Variants in ZBTB40 observed in about 807,000 individuals in gnomAD.
ZBTB40 encodes the protein zinc finger and BTB domain-containing protein 40.
ZBTB40 carries 60 observed loss-of-function variants against 117.5 expected under a neutral mutation model. The observed-to-expected ratio is 0.51, with a 90% CI of 0.41 to 0.63. The LOEUF is 0.63. ZBTB40 is among the 30% of genes least tolerant of loss of function. The pLI is 0.00. For synonymous variants in ZBTB40, 525 were observed against 577.1 expected (o/e 0.91, Z 1.29); for missense variants, 1,287 against 1,498.5 (o/e 0.86, Z 2.33).
At chr1:22,504,378 A>G (rs1285116337) in intron 5 of ZBTB40, among the ~76,000 whole-genome samples, 1 of 152,210 alleles carries the variant, frequency 6.6e-6, no homozygotes, top group African/African-American at 2.4e-5. Flanking sequence ...TTTATTGCTT[A>G]CTGTGTGCCA....
rs535410752 is a variant in ZBTB40, at chr1:22,512,093, T to A, written c.2420T>A (p.Val807Glu). 6.2e-7 allele frequency: 1 copy of A among 1,613,500 alleles called. No individual in the cohort carries two copies. The highest frequency in any genetic ancestry group is 1.1e-5 in the South Asian group (1 of 91,030). The change falls in exon 11 of 18, where the codon GTG becomes GAG. Residue 807 changes from valine to glutamate, a missense_variant. Physicochemically the swap from Val to Glu is moderately radical, Grantham distance 121. Around this residue, in one of 2 missense-constraint regions of ZBTB40, gnomAD observed 417 missense variants for 564.1 expected, o/e 0.74. Coordinates refer to ENST00000375647, the MANE Select transcript of ZBTB40 (RefSeq NM_014870.4). ...APKKKKKRLP[V>E]TCDLCGREFA... Reference sequence around the variant, plus strand: ...AAGAAGAAGAAGAAGAGGCTTCCAGTGACATGTGACCTCTGTGGCAGAGAA... The same window carrying A: ...AAGAAGAAGAAGAAGAGGCTTCCAGAGACATGTGACCTCTGTGGCAGAGAA...
In ZBTB40 at chr1:22,490,496, C is replaced by T. The variant is rs995459321; in HGVS notation, c.548C>T (p.Ser183Leu). Residue 183 changes from serine to leucine, a missense_variant, in exon 2 of 18, where the codon TCA becomes TTA. Coordinates refer to ENST00000375647, the MANE Select transcript of ZBTB40 (RefSeq NM_014870.4). ...ACTGAGGAAGCAGCCCATTCAGTTT[C>T]ACAAGAGATGAGTGTGAATTCTCCC... ...AETEEAAHSV[S>L]QEMSVNSPTA... 1.2e-6 allele frequency: 2 copies of T among 1,601,226 alleles called. No homozygotes were observed. The highest frequency in any genetic ancestry group is 2.2e-5 in the East Asian group (1 of 44,758).
At chr1:22,476,956 A>G (rs1000750272) in intron 1 of ZBTB40, among the ~76,000 whole-genome samples, 1 of 152,188 alleles carries the variant, frequency 6.6e-6, no homozygotes. Context: ...CTTTCACCAC[A>G]TGACATCTAG....
intron 1 of ZBTB40, among the ~76,000 whole-genome samples, chr1:22,460,396 A>T (rs1247520623): frequency 6.6e-6 from 1 of 152,198 alleles, no homozygotes; most frequent in East Asian, 1.9e-4. Flanking sequence ...TCATAATATT[A>T]AAATATAATA....
chr1:22,506,163 G>C lies in ZBTB40; in HGVS notation c.1282G>C (p.Ala428Pro), dbSNP rs888107343. 2 of 1,614,072 alleles carry C rather than the reference G, an allele frequency of 1.2e-6. No individual in the cohort carries two copies. The highest frequency in any genetic ancestry group is 2.7e-5 in the African/African-American group (2 of 74,936). Residue 428 changes from alanine to proline, a missense_variant, in exon 6 of 18, where the codon GCT becomes CCT. Coordinates refer to ENST00000375647, the MANE Select transcript of ZBTB40 (RefSeq NM_014870.4). The stretch of plus-strand genomic sequence containing the variant: ...TGAGGGTTTGGTAAAACTCCTCCAG[G>C]CTGTGAAGACGACTTTCCCAAACCT... ...TAEGLVKLLQ[A>P]VKTTFPNLGL...
chr1:22,482,434 A>G (rs925822166), intron 1 of ZBTB40, among the ~76,000 whole-genome samples: 2 of 152,136 alleles, frequency 1.3e-5, no homozygotes, highest in South Asian at 2.1e-4. Context: ...CCCACCATCC[A>G]TGTCTCACAC....
At chr1:22,464,255 C>T (rs1641200503) in intron 1 of ZBTB40, among the ~76,000 whole-genome samples, 2 of 152,234 alleles carry the variant, frequency 1.3e-5, no homozygotes, top group South Asian at 4.1e-4. Context: ...AAGATTCGCA[C>T]CCGGGTAGTC....
rs371558520 is a variant in ZBTB40 at position 22,469,234 on chromosome 1, A to G, written c.-70+17230A>G. Among the ~76,000 whole-genome samples the G allele has an allele frequency of 5.3e-5, 8 of 152,222 alleles. No individual in the cohort carries two copies. In the East Asian group the frequency reaches 7.7e-4, roughly 15 times the overall value. The stretch of plus-strand genomic sequence containing the variant: ...CTTACATTTTTATGTAGTCAAATCT[A>G]TTGATCATTTGTGAATTTCTTCTGT... On this transcript the variant is annotated intron_variant, in intron 1 of 17. Transcript: ENST00000375647.
chr1:22,480,498 CGTT>C (rs376728466), intron 1 of ZBTB40, among the ~76,000 whole-genome samples: 12 of 151,896 alleles, frequency 7.9e-5, no homozygotes, highest in East Asian at 3.9e-4. Context: ...TTTTCTGTGT[CGTT>C]GTTGTTGTTG....
intron 1 of ZBTB40, among the ~76,000 whole-genome samples, chr1:22,483,534 A>G (rs1416323402): frequency 6.6e-6 from 1 of 152,178 alleles, no homozygotes; most frequent in Non-Finnish European, 1.5e-5. Flanking sequence ...TTCTCTAAAG[A>G]CATACCATGT....
rs1293422483 is a variant in ZBTB40 at position 22,522,417 on chromosome 1, C to T, written c.3252C>T (p.Phe1084=). 1 of 1,614,184 alleles carries T rather than the reference C, an allele frequency of 6.2e-7. No individual in the cohort carries two copies. Among genetic ancestry groups the T allele is most frequent in the Non-Finnish European group, 8.5e-7 (1 of 1,180,034 alleles). Reference sequence around the variant, plus strand: ...AATGTGACCAGTGTAAGGAGCTCTTCCCCACGCCAGCCTTGCTGCAGGTTC... The same window carrying T: ...AATGTGACCAGTGTAAGGAGCTCTTTCCCACGCCAGCCTTGCTGCAGGTTC... ...FHECDQCKEL[F]PTPALLQVHV... Residue 1084 remains phenylalanine (F), a synonymous_variant, in exon 16 of 18, where the codon TTC becomes TTT. Coordinates refer to ENST00000375647, the MANE Select transcript of ZBTB40 (RefSeq NM_014870.4).
rs527247246 is a variant in ZBTB40 at position 22,507,973 on chromosome 1, CATT to C, written c.1361-24_1361-22del. On this transcript the variant is annotated intron_variant, in intron 6 of 17. Transcript: ENST00000375647. ...CTGTAGGAGGTTTTGTTGCATCAAA[CATT>C]ATTGTTTTGCTAATATCCTTACAGT... 317 of 1,614,086 alleles carry C rather than the reference CATT, an allele frequency of 2.0e-4. 1 individual carries two copies. In the African/African-American group the frequency reaches 3.7e-3, roughly 19 times the overall value.
rs550136824 is a variant in ZBTB40 at position 22,512,831 on chromosome 1, T to A, written c.2462-93T>A. The A allele has an allele frequency of 6.4e-5, 93 of 1,448,908 alleles. 1 individual carries two copies. The East Asian group carries it at 2.1e-3, about 32-fold the overall frequency. 89.8% of individuals were successfully genotyped at this position (1,448,908 alleles called of 1,614,324 possible). On this transcript the variant is annotated intron_variant, in intron 11 of 17. Transcript: ENST00000375647. The stretch of plus-strand genomic sequence containing the variant: ...TCATGCTGTGCTTCCTCTGGAGGCC[T>A]GGGCTGAGACAGTGCTCTTGGTATC...
chr1:22,446,223 G>GA (rs71020420), intron 1 of ZBTB40, among the ~76,000 whole-genome samples: 41,373 of 111,354 alleles, frequency 0.37, 7,250 homozygotes, highest in South Asian at 0.51. Context: ...CTCCAAAACT[G>GA]AAAAAAAAAA....
chr1:22,471,368 C>T (rs1234061634), intron 1 of ZBTB40, among the ~76,000 whole-genome samples: 3 of 152,248 alleles, frequency 2.0e-5, no homozygotes, highest in Admixed American at 6.5e-5. Context: ...CCCAGAAATA[C>T]TGTCAGCCAG....
At chr1:22,496,670 TG>T (rs1638783292) in intron 3 of ZBTB40, among the ~76,000 whole-genome samples, 1 of 152,214 alleles carries the variant, frequency 6.6e-6, no homozygotes, top group South Asian at 2.1e-4. Context: ...GCTGCAGGTA[TG>T]GCAACACCAT....
chr1:22,489,521 A>G (rs1638563906), intron 1 of ZBTB40, among the ~76,000 whole-genome samples: 1 of 152,190 alleles, frequency 6.6e-6, no homozygotes, highest in Non-Finnish European at 1.5e-5. Flanking sequence ...ATGGTAGTGT[A>G]GTTAGAGCTT....
rs34232963 is a variant in ZBTB40, at chr1:22,522,945, C to CTTTTTTTTTT, written c.3298+493_3298+502dup. ...CCATGCTCGACTAAATAAGATGTAC[C>CTTTTTTTTTT]TTTTTTTTTTTTTTTTTTTTGAGAT... On this transcript the variant is annotated intron_variant, in intron 16 of 17. Coordinates refer to ENST00000375647, the MANE Select transcript of ZBTB40 (RefSeq NM_014870.4). Among the ~76,000 whole-genome samples, 97 of 93,910 alleles carry CTTTTTTTTTT rather than the reference C, an allele frequency of 1.0e-3. 7 individuals are homozygous for CTTTTTTTTTT. The highest frequency in any genetic ancestry group is 7.8e-3 in the Middle Eastern group (1 of 128). The allele number at this position is 93,910 out of a possible 152,430, so 61.6% of individuals were successfully genotyped here.
At chr1:22,499,148 T>C (rs183170841) in intron 3 of ZBTB40, among the ~76,000 whole-genome samples, 2 of 152,234 alleles carry the variant, frequency 1.3e-5, no homozygotes, top group Non-Finnish European at 2.9e-5. Flanking sequence ...CTCTCATGGC[T>C]ATTGGCAGGC....
Sources: gnomAD v4.1 joint callset for allele counts (sites outside exome capture counted in the v4.1 genomes callset) on GRCh38, gnomAD v4.1.1 for gene constraint, gnomAD v4.1.1 regional missense constraint, MANE v1.5 for transcripts, NCBI Gene and HGNC (gene_info 2026-07-23, HGNC 2026-07-21) for gene names.